Variants in COL23A1 observed in about 807,000 individuals in gnomAD.
The protein encoded by COL23A1 is collagen type XXIII alpha 1 chain, also known as collagen alpha-1(XXIII) chain.
COL23A1 carries 97 observed loss-of-function variants against 99.3 expected under a neutral mutation model. The ratio of observed to expected loss-of-function variants is 0.98; its 90% confidence interval spans 0.83 to 1.16. The LOEUF is 1.16. COL23A1 is among the 50% of genes most tolerant of loss of function. The pLI is 0.00. For synonymous variants in COL23A1, 320 were observed against 308.2 expected (o/e 1.04, Z -0.40); for missense variants, 762 against 757.4 (o/e 1.01, Z -0.07).
At chr5:178,560,539 T>C in intron 2 of COL23A1, 143 bp downstream of exon 2, 1 of 640,052 alleles carries the variant, frequency 1.6e-6, no homozygotes, top group Non-Finnish European at 2.7e-6. Flanking sequence ...CCAGGGTCAA[T>C]GTGGGAAAGA....
intron 5 of COL23A1, among the ~76,000 whole-genome samples, chr5:178,273,678 C>T (rs1338962342): frequency 6.6e-6 from 1 of 152,182 alleles, no homozygotes; most frequent in Non-Finnish European, 1.5e-5. Context: ...GGGCCAGCCC[C>T]TGGGACAGAG....
chr5:178,246,710 G>A (rs1485906696), intron 22 of COL23A1, among the ~76,000 whole-genome samples: 2 of 111,194 alleles, frequency 1.8e-5, no homozygotes, highest in East Asian at 5.1e-4. Context: ...GATGAGGAAA[G>A]CAGGTGCAGA....
intron 2 of COL23A1, among the ~76,000 whole-genome samples, chr5:178,559,928 G>T (rs1335284310): frequency 6.6e-6 from 1 of 151,308 alleles, no homozygotes; most frequent in African/African-American, 2.4e-5. Context: ...TTCCCTGCAC[G>T]TCGGGAAGTC....
At chr5:178,535,645 T>C (rs1305252181) in intron 2 of COL23A1, among the ~76,000 whole-genome samples, 1 of 152,196 alleles carries the variant, frequency 6.6e-6, no homozygotes, top group Non-Finnish European at 1.5e-5. Context: ...ATGCAAACAC[T>C]GGGAAAGAAC....
chr5:178,556,824 G>T (rs1168200031), intron 2 of COL23A1, among the ~76,000 whole-genome samples: 1 of 151,262 alleles, frequency 6.6e-6, no homozygotes, highest in Admixed American at 6.6e-5. Flanking sequence ...ATGGTGATGG[G>T]AGCCTGTAAT....
intron 2 of COL23A1, among the ~76,000 whole-genome samples, chr5:178,530,791 C>T (rs1017365633): frequency 6.6e-6 from 1 of 152,226 alleles, no homozygotes; most frequent in Non-Finnish European, 1.5e-5. Context: ...TCTAGCCTCC[C>T]TCCCAGCTGA....
chr5:178,249,228 G>A (rs768299991), intron 18 of COL23A1, 22 bp from the exon 19 acceptor site: 109 of 1,610,220 alleles, frequency 6.8e-5, no homozygotes, highest in Non-Finnish European at 9.0e-5. Context: ...AAGCACAAGG[G>A]ATGAGTGGGG....
chr5:178,429,718 G>C (rs1581376125), intron 2 of COL23A1, among the ~76,000 whole-genome samples: 1 of 147,388 alleles, frequency 6.8e-6, no homozygotes, highest in Admixed American at 6.7e-5. Context: ...ATTGACGCCA[G>C]AGGGATCTGA....
Position 178,249,102 on chromosome 5 carries a change from A to G in COL23A1, c.1149+15T>C. The G allele has an allele frequency of 6.2e-7, 1 of 1,612,526 alleles. No homozygotes were observed. Among genetic ancestry groups the G allele is most frequent in the Non-Finnish European group, 8.5e-7 (1 of 1,178,656 alleles). ...ACACAGGAGGCGTAATGTGTGGCCC[A>G]ACCCAGCCACATACCGGGAGGCCGG... On this transcript the variant is annotated intron_variant, in intron 19 of 28. Coordinates refer to ENST00000390654, the MANE Select transcript of COL23A1 (RefSeq NM_173465.4).
At chr5:178,275,688 T>A (rs1479597825) in intron 5 of COL23A1, among the ~76,000 whole-genome samples, 1 of 152,076 alleles carries the variant, frequency 6.6e-6, no homozygotes, top group Non-Finnish European at 1.5e-5. Flanking sequence ...TAGATACCAA[T>A]CTGAACGTAA....
At chr5:178,503,119 C>T (rs557219592) in intron 2 of COL23A1, among the ~76,000 whole-genome samples, 82 of 152,302 alleles carry the variant, frequency 5.4e-4, no homozygotes, top group African/African-American at 1.8e-3. Flanking sequence ...CAGTGGCTCA[C>T]GCCTGTAATC....
At chr5:178,363,174 C>T (rs1265916727) in intron 2 of COL23A1, among the ~76,000 whole-genome samples, 24 of 151,936 alleles carry the variant, frequency 1.6e-4, no homozygotes, top group Admixed American at 1.5e-3. Context: ...GGGAGTCAGA[C>T]AACATAACTG....
intron 2 of COL23A1, chr5:178,345,376 C>T (rs536725839): frequency 9.2e-6 from 4 of 436,868 alleles, no homozygotes; most frequent in African/African-American, 6.2e-5. Context: ...GCTTATTAGA[C>T]CTTTTGAAAC....
At chr5:178,400,025 C>T (rs1284154324) in intron 2 of COL23A1, among the ~76,000 whole-genome samples, 1 of 152,250 alleles carries the variant, frequency 6.6e-6, no homozygotes, top group Admixed American at 6.5e-5. Flanking sequence ...CAAGAACAGT[C>T]GGAGCCCAAT....
At chr5:178,578,275 A>G (rs1316988360) in intron 1 of COL23A1, among the ~76,000 whole-genome samples, 2 of 152,052 alleles carry the variant, frequency 1.3e-5, no homozygotes, top group African/African-American at 4.8e-5. Context: ...ATGTACACAC[A>G]CATGCATGCA....
intron 2 of COL23A1, among the ~76,000 whole-genome samples, chr5:178,534,454 G>T (rs544271716): frequency 2.6e-5 from 4 of 152,164 alleles, no homozygotes; most frequent in Non-Finnish European, 5.9e-5. Context: ...GGGGCACTGG[G>T]CTCAGCCCCA....
chr5:178,376,391 G>A (rs1763074108), intron 2 of COL23A1, among the ~76,000 whole-genome samples: 1 of 152,250 alleles, frequency 6.6e-6, no homozygotes, highest in Non-Finnish European at 1.5e-5. Flanking sequence ...GGACATGATG[G>A]CTCAGAGAGG....
In COL23A1 at chr5:178,589,090, G is replaced by T. The variant is rs602019; in HGVS notation, c.294+814C>A. Among the ~76,000 whole-genome samples, 67,756 of 151,992 alleles carry T rather than the reference G, an allele frequency of 0.45. 15,493 individuals are homozygous for T. The highest frequency in any genetic ancestry group is 0.59 in the Middle Eastern group (174 of 294). The stretch of plus-strand genomic sequence containing the variant: ...TGACCAACATGCTGGGTGAGGGCTT[G>T]GAGGACCCAAAGGTGGCTCTTTCTT... On this transcript the variant is annotated intron_variant, in intron 1 of 28. Transcript: ENST00000390654. This position sits in a 1 kb window ranked among gnomAD's most constrained non-coding sequence, Gnocchi z 5.4.
intron 25 of COL23A1, among the ~76,000 whole-genome samples, chr5:178,244,315 G>C (rs1764561085): frequency 6.6e-6 from 1 of 152,074 alleles, no homozygotes; most frequent in Admixed American, 6.5e-5. Flanking sequence ...TAAAGTCTAG[G>C]GTGGGCACCA....
Sources: allele counts gnomAD v4.1 joint callset (sites outside exome capture counted in the v4.1 genomes callset), GRCh38; gene constraint gnomAD v4.1.1; non-coding constraint Gnocchi (gnomAD v3.1); transcripts MANE v1.5; gene names NCBI Gene and HGNC (gene_info 2026-07-23, HGNC 2026-07-21).